OXTR: variants seen among roughly 807,000 people sequenced by gnomAD.
OXTR encodes oxytocin receptor.
OXTR carries 19 observed loss-of-function variants against 23.9 expected under a neutral mutation model. That is an observed-to-expected ratio of 0.80 (90% CI 0.56 to 1.17). The LOEUF (loss-of-function observed/expected upper bound fraction) is 1.17, where lower values mean the gene tolerates loss of function less well. Ranked by LOEUF, OXTR falls within the 50% of genes most tolerant of loss-of-function variation. The pLI, the probability that OXTR is intolerant of heterozygous loss-of-function variation, is 0.00. For synonymous variants in OXTR, 278 were observed against 250.5 expected (o/e 1.11, Z -1.04); for missense variants, 500 against 550.7 (o/e 0.91, Z 0.92).
chr3:8,763,293 C>T (rs139385601), intron 3 of OXTR, among the ~76,000 whole-genome samples: 1 of 152,300 alleles, frequency 6.6e-6, no homozygotes, highest in East Asian at 1.9e-4. Flanking sequence ...CTCACATCAA[C>T]CCCAGGCAGT....
At position 8,767,412 on chromosome 3, in the gene OXTR, C is replaced by T. The variant is rs200362197; in HGVS notation, c.776G>A (p.Arg259His). The change falls in exon 3 of 4, where the codon CGT (arginine) becomes CAT (histidine). Residue 259 changes from arginine to histidine, a missense_variant. By Grantham distance (29) the Arg-to-His change is conservative. Coordinates refer to ENST00000316793, the MANE Select transcript of OXTR (RefSeq NM_000916.4). ...AGDGGRVALA[R>H]VSSVKLISKA... Reference sequence around the variant, plus strand: ...GGAGATGAGCTTGACGCTGCTGACACGCGCCAGGGCCACGCGCCCCCCATC... The same window carrying T: ...GGAGATGAGCTTGACGCTGCTGACATGCGCCAGGGCCACGCGCCCCCCATC... 1.2e-5 allele frequency: 19 copies of T among 1,609,412 alleles called. No homozygotes were observed. Among genetic ancestry groups the T allele is most frequent in the East Asian group, 2.2e-5 (1 of 44,688 alleles).
At chr3:8,760,945 A>C (rs531494764) in intron 3 of OXTR, among the ~76,000 whole-genome samples, 1 of 152,276 alleles carries the variant, frequency 6.6e-6, no homozygotes, top group Admixed American at 6.5e-5. Flanking sequence ...GTTCTTAACC[A>C]GGGATGACTT....
chr3:8,759,702 T>A (rs1355294907), intron 3 of OXTR, among the ~76,000 whole-genome samples: 1 of 151,816 alleles, frequency 6.6e-6, no homozygotes, highest in Admixed American at 6.6e-5. Flanking sequence ...TGTGCAAGAG[T>A]GCCGTTGGGG....
rs765922696 is a variant in OXTR, at chr3:8,767,746, G to A, written c.442C>T (p.Leu148=). ...GCCAGGCGGTCGGTGCGGCGGCGCA[G>A]CGAGCGCAGCGGCTGGCAGATGGCC... The part of the protein sequence containing the change: ...CLAICQPLRS[L]RRRTDRLAVL... Residue 148 remains leucine, a synonymous_variant, in exon 3 of 4, where the codon CTG becomes TTG. Transcript: ENST00000316793. 1 of 1,607,792 alleles carries A rather than the reference G, an allele frequency of 6.2e-7. No individual in the cohort carries two copies. Among genetic ancestry groups the A allele is most frequent in the Non-Finnish European group, 8.5e-7 (1 of 1,177,274 alleles).
intron 3 of OXTR, 40 bp from the exon 4 acceptor site, chr3:8,753,264 A>C (rs1449383689): frequency 8.7e-6 from 14 of 1,605,932 alleles, no homozygotes; most frequent in Non-Finnish European, 1.2e-5. Context: ...AAAGGGCATT[A>C]ATTAACACTG....
chr3:8,745,211 G>T, the OXTR span, among the ~76,000 whole-genome samples: 15,644 of 151,944 alleles, frequency 0.1, 895 homozygotes, highest in Non-Finnish European at 0.14. The surrounding 1 kb of genome is among the most constrained non-coding windows in gnomAD (Gnocchi z 4.8). Context: ...ACTCTCACCA[G>T]GGGAGACGCC....
In OXTR at chr3:8,767,570, T is replaced by C. The variant is rs375696495; in HGVS notation, c.618A>G (p.Leu206=). ...GPKAYITWIT[L]AVYIVPVIVL... is the part of the protein sequence containing the mutation. The stretch of plus-strand genomic sequence containing the variant: ...CGATGACCGGCACGATGTAGACAGC[T>C]AGCGTGATCCATGTGATGTAGGCCT... The change falls in exon 3 of 4, where the codon CTA becomes CTG. Residue 206 remains leucine, a synonymous_variant. Coordinates refer to ENST00000316793, the MANE Select transcript of OXTR (RefSeq NM_000916.4). The C allele has an allele frequency of 3.0e-5, 48 of 1,613,304 alleles. No homozygotes were observed. Among genetic ancestry groups the C allele is most frequent in the Non-Finnish European group, 3.9e-5 (46 of 1,179,790 alleles).
At chr3:8,764,823 C>A (rs960794191) in intron 3 of OXTR, among the ~76,000 whole-genome samples, 1 of 152,220 alleles carries the variant, frequency 6.6e-6, no homozygotes, top group Non-Finnish European at 1.5e-5. Flanking sequence ...GCTGCAGCAG[C>A]ATCATGAATC....
In OXTR at chr3:8,767,994, C is replaced by T. The variant is rs776541412; in HGVS notation, c.194G>A (p.Arg65His). ...SGNACVLLAL[R>H]TTRQKHSRLF... ...GCGCGAGTGCTTCTGGCGTGTGGTG[C>T]GCAGCGCCAGCAGCACACACGCGTT... is the stretch of plus-strand genomic sequence containing the variant. Residue 65 changes from arginine (R) to histidine (H), a missense_variant, in exon 3 of 4, where the codon CGC becomes CAC. Arg to His is a conservative substitution (Grantham distance 29). Transcript: ENST00000316793. The T allele has an allele frequency of 1.2e-6, 2 of 1,611,028 alleles. No individual in the cohort carries two copies. The highest frequency in any genetic ancestry group is 1.7e-6 in the Non-Finnish European group (2 of 1,178,966).
downstream of OXTR, among the ~76,000 whole-genome samples, chr3:8,749,267 C>A (rs749210871): frequency 2.6e-5 from 4 of 152,110 alleles, no homozygotes; most frequent in East Asian, 1.9e-4. Flanking sequence ...CAGACTCCTG[C>A]GCCATAATAA....
In OXTR at chr3:8,768,362, G is replaced by T; in HGVS notation, c.-142-33C>A. On this transcript the variant is annotated intron_variant, in intron 2 of 3. Transcript: ENST00000316793. The surrounding 1 kb of genome is among the most constrained non-coding windows in gnomAD (Gnocchi z 5.4). Reference sequence around the variant, plus strand: ...AAACCGGGAGGGCCGTGAGGAGACCGCCGCGTTTCTCTTCCGACGCGGGTA... The same window carrying T: ...AAACCGGGAGGGCCGTGAGGAGACCTCCGCGTTTCTCTTCCGACGCGGGTA... 3 of 1,058,858 alleles carry T rather than the reference G, an allele frequency of 2.8e-6. No individual in the cohort carries two copies. The highest frequency in any genetic ancestry group is 3.6e-6 in the Non-Finnish European group (3 of 838,162). The allele number at this position is 1,058,858 out of a possible 1,614,324, so 65.6% of individuals were successfully genotyped here. A position where few individuals can be genotyped will look rare whatever the true frequency, so the allele number is the denominator to read the frequency against.
Position 8,752,962 on chromosome 3 carries a change from G to A in OXTR, c.*15C>T. 1 of 1,606,186 alleles carries A rather than the reference G, an allele frequency of 6.2e-7. No homozygotes were observed. On this transcript the variant is annotated 3_prime_UTR_variant, in exon 4 of 4. Coordinates refer to ENST00000316793, the MANE Select transcript of OXTR (RefSeq NM_000916.4). Reference sequence around the variant, plus strand: ...GCCTGAGCCTCAGGCTGCAGCCCTGGCCCTGGCTGGTGGGTCACGCCGTGG... The same window carrying A: ...GCCTGAGCCTCAGGCTGCAGCCCTGACCCTGGCTGGTGGGTCACGCCGTGG...
At chr3:8,745,277 A>G in the OXTR span, among the ~76,000 whole-genome samples, 11 of 152,288 alleles carry the variant, frequency 7.2e-5, no homozygotes, top group African/African-American at 2.4e-4. This position sits in a 1 kb window ranked among gnomAD's most constrained non-coding sequence, Gnocchi z 4.8. Flanking sequence ...CCTGAAGCCA[A>G]GCAGATGCCA....
At chr3:8,759,764 T>C (rs1708448559) in intron 3 of OXTR, among the ~76,000 whole-genome samples, 1 of 152,174 alleles carries the variant, frequency 6.6e-6, no homozygotes, top group African/African-American at 2.4e-5. Flanking sequence ...AGCATCTGAC[T>C]AAAGGGCAGG....
Position 8,768,092 on chromosome 3 carries a change from C to G in OXTR, c.96G>C (p.Pro32=). Residue 32 remains proline, a synonymous_variant, in exon 3 of 4, where the codon CCG becomes CCC. Transcript: ENST00000316793. This position sits in a 1 kb window ranked among gnomAD's most constrained non-coding sequence, Gnocchi z 5.4. ...CGCGCGCCAGGGCCTCGTTGCGCCG[C>G]GGGGGTCCGGCGGTGCGGTTGCCCT... ...GAEGNRTAGP[P]RRNEALARVE... 1 of 1,456,140 alleles carries G rather than the reference C, an allele frequency of 6.9e-7. No homozygotes were observed. Among genetic ancestry groups the G allele is most frequent in the Non-Finnish European group, 9.1e-7 (1 of 1,104,532 alleles). The allele number at this position is 1,456,140 out of a possible 1,614,324, so 90.2% of individuals were successfully genotyped here. A position where few individuals can be genotyped will look rare whatever the true frequency, so the allele number is the denominator to read the frequency against.
intron 3 of OXTR, among the ~76,000 whole-genome samples, chr3:8,756,249 G>C (rs547533759): frequency 1.2e-4 from 18 of 152,328 alleles, no homozygotes; most frequent in African/African-American, 4.1e-4. Context: ...TTCCATGTGA[G>C]GATGTGACAA....
rs780555139 is a variant in OXTR at position 8,767,822 on chromosome 3, G to A, written c.366C>T (p.Gly122=). 1.9e-6 allele frequency: 3 copies of A among 1,611,494 alleles called. No individual in the cohort carries two copies. In the East Asian group the frequency reaches 6.7e-5, roughly 36 times the overall value. ...GCAGCAGGTAGGTGGAGGCGAACAT[G>A]CCCACCACCTGCAAGTACTTGACCA... ...CRLVKYLQVV[G]MFASTYLLLL... Residue 122 remains glycine (G), a synonymous_variant, in exon 3 of 4, where the codon GGC becomes GGT. Transcript: ENST00000316793.
In OXTR at chr3:8,753,245, G is replaced by A. The variant is rs1282634866; in HGVS notation, c.923-21C>T. 42 of 1,612,666 alleles carry A rather than the reference G, an allele frequency of 2.6e-5. No homozygotes were observed. In the Admixed American group the frequency reaches 6.9e-4, roughly 26 times the overall value. ...CGAGGCTGAGGGGGTGGGGGCAGGA[G>A]AAAGGAGAAAAGGGCATTAATTAAC... On this transcript the variant is annotated intron_variant, in intron 3 of 3. Coordinates refer to ENST00000316793, the MANE Select transcript of OXTR (RefSeq NM_000916.4).
chr3:8,753,721 AAC>A (rs1269631914), intron 3 of OXTR, among the ~76,000 whole-genome samples: 1 of 152,214 alleles, frequency 6.6e-6, no homozygotes, highest in Non-Finnish European at 1.5e-5. Flanking sequence ...AGAGTGCCCA[AAC>A]CTCTGGGGAC....
Sources: allele counts gnomAD v4.1 joint callset (sites outside exome capture counted in the v4.1 genomes callset), GRCh38; gene constraint gnomAD v4.1.1; non-coding constraint Gnocchi (gnomAD v3.1); transcripts MANE v1.5; gene names NCBI Gene and HGNC (gene_info 2026-07-23, HGNC 2026-07-21).